Variants in LRRIQ3 observed in about 807,000 individuals in gnomAD.
The protein encoded by LRRIQ3 is leucine rich repeats and IQ motif containing 3, also known as leucine-rich repeat and IQ domain-containing protein 3.
Under a neutral mutation model 59.3 loss-of-function variants are expected in LRRIQ3, and 75 were observed. The observed-to-expected ratio is 1.26, with a 90% CI of 1.05 to 1.53. LRRIQ3 has a LOEUF of 1.53. LRRIQ3 is among the 40% of genes most tolerant of loss of function. The pLI is 0.00. For synonymous variants in LRRIQ3, 250 were observed against 231.3 expected (o/e 1.08, Z -0.73); for missense variants, 831 against 710.0 (o/e 1.17, Z -1.94).
chr1:74,159,327 C>G (rs1419319526), intron 3 of LRRIQ3, among the ~76,000 whole-genome samples: 4 of 152,136 alleles, frequency 2.6e-5, no homozygotes, highest in Non-Finnish European at 5.9e-5. Context: ...CATATAAGCT[C>G]ACCAAATTTA....
At chr1:74,190,876 T>C (rs549999888) in intron 1 of LRRIQ3, among the ~76,000 whole-genome samples, 1 of 152,028 alleles carries the variant, frequency 6.6e-6, no homozygotes, top group Non-Finnish European at 1.5e-5. Flanking sequence ...ATATTTGAAG[T>C]GTTAAGAGAA....
chr1:74,117,922 AG>A (rs1646799439), intron 4 of LRRIQ3, among the ~76,000 whole-genome samples: 1 of 152,170 alleles, frequency 6.6e-6, no homozygotes, highest in African/African-American at 2.4e-5. Context: ...GTAAATTTAC[AG>A]GGTTTTGTCC....
chr1:74,164,053 T>C (rs1648818576), intron 3 of LRRIQ3, among the ~76,000 whole-genome samples: 2 of 151,614 alleles, frequency 1.3e-5, no homozygotes, highest in African/African-American at 4.8e-5. Context: ...TTGGTGAAAT[T>C]CCTCTTCTGG....
intron 4 of LRRIQ3, among the ~76,000 whole-genome samples, chr1:74,147,526 A>T (rs1230167342): frequency 6.6e-6 from 1 of 152,166 alleles, no homozygotes; most frequent in Non-Finnish European, 1.5e-5. Flanking sequence ...AATGCTAATC[A>T]TTTCAGAAGA....
At chr1:74,148,501 T>C (rs1208983591) in intron 4 of LRRIQ3, among the ~76,000 whole-genome samples, 1 of 152,100 alleles carries the variant, frequency 6.6e-6, no homozygotes, top group Non-Finnish European at 1.5e-5. Flanking sequence ...GCAGTAGTTA[T>C]GGTTGTGGTT....
At chr1:74,034,603 A>G (rs1300772724) in intron 7 of LRRIQ3, among the ~76,000 whole-genome samples, 1 of 150,026 alleles carries the variant, frequency 6.7e-6, no homozygotes, top group Admixed American at 6.8e-5. Context: ...AAATTAAAAT[A>G]AGTTATAGGA....
chr1:74,042,013 C>T (rs1292740127), intron 6 of LRRIQ3, 80 bp from the exon 7 acceptor site: 1 of 1,320,486 alleles, frequency 7.6e-7, no homozygotes, highest in Non-Finnish European at 9.9e-7. Context: ...TATCAATAAA[C>T]TTGATAAGAA....
chr1:74,151,838 C>T (rs1648003537), intron 4 of LRRIQ3, among the ~76,000 whole-genome samples: 2 of 152,052 alleles, frequency 1.3e-5, no homozygotes, highest in African/African-American at 4.8e-5. Flanking sequence ...AAACCACAGT[C>T]AGAGACAGCA....
At position 74,037,490 on chromosome 1, in the gene LRRIQ3, C is replaced by T. The variant is rs111692311; in HGVS notation, c.1718+3723G>A. Among the ~76,000 whole-genome samples, 598 of 151,968 alleles carry T rather than the reference C, an allele frequency of 3.9e-3. 5 individuals carry two copies. Among genetic ancestry groups the T allele is most frequent in the African/African-American group, 0.013 (556 of 41,472 alleles). On this transcript the variant is annotated intron_variant, in intron 7 of 7. Transcript: ENST00000354431. Reference sequence around the variant, plus strand: ...TTGTCTCTACTAAAAATACAAAAAACGGCTTGGTGTGGTGGCGGACGCTTG... The same window carrying T: ...TTGTCTCTACTAAAAATACAAAAAATGGCTTGGTGTGGTGGCGGACGCTTG...
intron 5 of LRRIQ3, among the ~76,000 whole-genome samples, chr1:74,075,388 G>A (rs763031323): frequency 2.0e-5 from 3 of 151,932 alleles, no homozygotes; most frequent in South Asian, 4.2e-4. Context: ...CCAACATGGC[G>A]AAACCCTGTC....
chr1:74,091,223 A>T (rs1646391063), intron 5 of LRRIQ3, among the ~76,000 whole-genome samples: 1 of 152,186 alleles, frequency 6.6e-6, no homozygotes. Flanking sequence ...AATTAAAATG[A>T]TACCTGAATA....
At chr1:74,065,240 A>G (rs1162974205) in intron 6 of LRRIQ3, among the ~76,000 whole-genome samples, 1 of 152,100 alleles carries the variant, frequency 6.6e-6, no homozygotes, top group Non-Finnish European at 1.5e-5. Context: ...TTATGCTTGC[A>G]TATCTTCAGT....
In LRRIQ3 at chr1:74,026,926, T is replaced by C. The variant is rs1365806575; in HGVS notation, c.1762A>G (p.Met588Val). ...YKRHCEEKFV[M>V]DMIAFEKACE... ...GCTTTTTCAAAGGCAATCATATCCA[T>C]AACAAATTTTTCTTCACAATGTCTT... The change falls in exon 8 of 8, where the codon ATG (methionine) becomes GTG (valine). Residue 588 changes from methionine (M) to valine (V), a missense_variant. Transcript: ENST00000354431. 4 of 1,589,634 alleles carry C rather than the reference T, an allele frequency of 2.5e-6. No individual in the cohort carries two copies. Among genetic ancestry groups the C allele is most frequent in the South Asian group, 1.1e-5 (1 of 89,006 alleles).
chr1:74,057,291 C>T (rs1409958182), intron 6 of LRRIQ3, among the ~76,000 whole-genome samples: 1 of 151,952 alleles, frequency 6.6e-6, no homozygotes, highest in African/African-American at 2.4e-5. Flanking sequence ...GTTACTATAG[C>T]TTTTTAGTAT....
intron 1 of LRRIQ3, among the ~76,000 whole-genome samples, chr1:74,194,014 T>C (rs1031527373): frequency 4.6e-5 from 7 of 152,140 alleles, no homozygotes; most frequent in Non-Finnish European, 8.8e-5. Flanking sequence ...AGAAATTATA[T>C]TTTTTAAATA....
At chr1:74,069,597 A>C (rs751829529) in intron 6 of LRRIQ3, among the ~76,000 whole-genome samples, 11 of 152,050 alleles carry the variant, frequency 7.2e-5, no homozygotes, top group Admixed American at 2.0e-4. Flanking sequence ...AATTAATAAA[A>C]CAAGAATTTT....
intron 4 of LRRIQ3, among the ~76,000 whole-genome samples, chr1:74,128,405 A>G (rs1646966550): frequency 6.6e-6 from 1 of 152,006 alleles, no homozygotes; most frequent in Non-Finnish European, 1.5e-5. Flanking sequence ...TCAGTATCTC[A>G]ATTGCATTTT....
intron 4 of LRRIQ3, among the ~76,000 whole-genome samples, chr1:74,147,551 A>AC (rs1395901817): frequency 1.3e-5 from 2 of 152,142 alleles, no homozygotes; most frequent in Non-Finnish European, 2.9e-5. Flanking sequence ...TCCAATATCA[A>AC]CCCAATGTCC....
chr1:74,182,813 T>G lies in LRRIQ3; in HGVS notation c.298A>C (p.Lys100Gln), dbSNP rs1238636506. 6.3e-7 allele frequency: 1 copy of G among 1,593,282 alleles called. No homozygotes were observed. The highest frequency in any genetic ancestry group is 1.3e-5 in the African/African-American group (1 of 74,566). ...CCATTGTCATGAAGATAGAGTAGTTTTAGGTTCTTCAATCCATTCCAAAAT... is the reference window on the plus strand; with the variant it reads ...CCATTGTCATGAAGATAGAGTAGTTGTAGGTTCTTCAATCCATTCCAAAAT... Reference protein sequence around the residue: ...TKFWNGLKNLKLLYLHDNGFA... With the variant: ...TKFWNGLKNLQLLYLHDNGFA... Residue 100 changes from lysine to glutamine, a missense_variant, in exon 3 of 8, where the codon AAA (lysine) becomes CAA (glutamine). Lys to Gln is a moderately conservative substitution (Grantham distance 53, BLOSUM62 1). Coordinates refer to ENST00000354431, the MANE Select transcript of LRRIQ3 (RefSeq NM_001105659.2).
Sources: allele counts gnomAD v4.1 joint callset (sites outside exome capture counted in the v4.1 genomes callset), GRCh38; gene constraint gnomAD v4.1.1; transcripts MANE v1.5; gene names NCBI Gene and HGNC (gene_info 2026-07-23, HGNC 2026-07-21).